AP3B1: variants seen among roughly 807,000 people sequenced by gnomAD.
AP3B1 encodes the protein adaptor related protein complex 3 subunit beta 1.
Under a neutral mutation model 132.5 loss-of-function variants are expected in AP3B1, and 61 were observed. The observed-to-expected ratio is 0.46, with a 90% CI of 0.37 to 0.57. The LOEUF (loss-of-function observed/expected upper bound fraction) is 0.57. Among genes scored for constraint, AP3B1 ranks in the 20% least tolerant of loss-of-function variants. The pLI is 0.00. For synonymous variants in AP3B1, 388 were observed against 438.3 expected (o/e 0.89, Z 1.43); for missense variants, 1,120 against 1,289.4 (o/e 0.87, Z 2.01).
chr5:78,026,112 G>T (rs1007499414), intron 24 of AP3B1, among the ~76,000 whole-genome samples: 1 of 152,128 alleles, frequency 6.6e-6, no homozygotes, highest in Non-Finnish European at 1.5e-5. Context: ...TTAAACAGGG[G>T]AGAGACAGAT....
At chr5:78,282,837 C>T (rs2112587174) in intron 1 of AP3B1, among the ~76,000 whole-genome samples, 1 of 134,686 alleles carries the variant, frequency 7.4e-6, no homozygotes, top group East Asian at 2.1e-4. Flanking sequence ...CATAGTAAGA[C>T]TTGTCTCTAC....
intron 22 of AP3B1, among the ~76,000 whole-genome samples, chr5:78,040,116 G>C (rs144985435): frequency 6.6e-6 from 1 of 151,714 alleles, no homozygotes; most frequent in South Asian, 2.1e-4. Context: ...CCCAGGATAA[G>C]GTGGCTTCTT....
chr5:78,275,456 AAC>A (rs1310077241), intron 1 of AP3B1, among the ~76,000 whole-genome samples: 4 of 152,152 alleles, frequency 2.6e-5, no homozygotes, highest in Admixed American at 1.3e-4. Flanking sequence ...ATGGAAGAAA[AAC>A]ACACATCCAT....
At chr5:78,160,111 T>C (rs975277572) in intron 13 of AP3B1, among the ~76,000 whole-genome samples, 1 of 152,092 alleles carries the variant, frequency 6.6e-6, no homozygotes, top group African/African-American at 2.4e-5. Context: ...GACTATAATA[T>C]ATTTGTCTTA....
intron 22 of AP3B1, among the ~76,000 whole-genome samples, chr5:78,080,167 C>T (rs1376797382): frequency 6.6e-6 from 1 of 152,082 alleles, no homozygotes; most frequent in Admixed American, 6.5e-5. Context: ...TGCCACCATG[C>T]CCTGCTAATT....
At chr5:78,109,488 T>G (rs1370068803) in intron 20 of AP3B1, among the ~76,000 whole-genome samples, 2 of 152,118 alleles carry the variant, frequency 1.3e-5, no homozygotes, top group Non-Finnish European at 2.9e-5. Flanking sequence ...ATAACACAGT[T>G]GTATATAAAA....
chr5:78,246,207 TA>T (rs553816132), intron 2 of AP3B1, among the ~76,000 whole-genome samples: 379 of 152,356 alleles, frequency 2.5e-3, no homozygotes, highest in Non-Finnish European at 4.3e-3. Flanking sequence ...ATTTGACTTT[TA>T]TTTTTTTTCA....
At chr5:78,058,210 T>C (rs531197420) in intron 22 of AP3B1, among the ~76,000 whole-genome samples, 2 of 152,296 alleles carry the variant, frequency 1.3e-5, no homozygotes, top group East Asian at 3.9e-4. Flanking sequence ...CACTGAGAAG[T>C]GCTATTATAG....
intron 12 of AP3B1, 21 bp downstream of exon 12, chr5:78,165,589 T>A (rs777932332): frequency 1.3e-6 from 2 of 1,564,392 alleles, no homozygotes; most frequent in Non-Finnish European, 1.8e-6. Context: ...AAGTTTTTTA[T>A]AATTAGCACT....
intron 7 of AP3B1, among the ~76,000 whole-genome samples, chr5:78,202,954 G>A (rs150675663): frequency 6.6e-6 from 1 of 152,114 alleles, no homozygotes; most frequent in East Asian, 1.9e-4. Flanking sequence ...ACCAATACAG[G>A]CATGTACCGA....
At chr5:78,088,196 T>C (rs1283404153) in intron 22 of AP3B1, among the ~76,000 whole-genome samples, 1 of 152,214 alleles carries the variant, frequency 6.6e-6, no homozygotes, top group Non-Finnish European at 1.5e-5. Flanking sequence ...AAATGCTCAA[T>C]AAATATTTAT....
At chr5:78,272,558 C>T (rs1225039130) in intron 1 of AP3B1, among the ~76,000 whole-genome samples, 1 of 152,092 alleles carries the variant, frequency 6.6e-6, no homozygotes, top group Non-Finnish European at 1.5e-5. Context: ...AAAACCCTTG[C>T]CCTCATAGGG....
chr5:78,108,851 T>C (rs1336534388), intron 20 of AP3B1, among the ~76,000 whole-genome samples: 6 of 152,150 alleles, frequency 3.9e-5, no homozygotes, highest in African/African-American at 1.4e-4. Flanking sequence ...AAAGCTCTGC[T>C]TCTAATACTA....
chr5:78,089,637 G>T, intron 21 of AP3B1, 138 bp from the exon 22 acceptor site: 3 of 697,784 alleles, frequency 4.3e-6, no homozygotes, highest in Non-Finnish European at 5.2e-6. Flanking sequence ...TTAACATCTT[G>T]ATTTAGTCAA....
At chr5:78,162,986 G>C (rs371046922) in intron 12 of AP3B1, 35 bp from the exon 13 acceptor site, 12 of 1,596,038 alleles carry the variant, frequency 7.5e-6, no homozygotes, top group African/African-American at 2.7e-5. Flanking sequence ...TTACACACTG[G>C]TATTATTGAG....
intron 26 of AP3B1, among the ~76,000 whole-genome samples, chr5:78,013,482 C>T (rs1053319502): frequency 6.6e-6 from 1 of 152,158 alleles, no homozygotes; most frequent in African/African-American, 2.4e-5. Flanking sequence ...ACAGTGGCTA[C>T]TCTATATTAA....
intron 3 of AP3B1, among the ~76,000 whole-genome samples, chr5:78,233,023 T>C (rs7700603): frequency 0.27 from 41,043 of 151,906 alleles, 5,782 homozygotes; most frequent in Middle Eastern, 0.33. Context: ...ATCTATGTTT[T>C]TCAATTGCTA....
At chr5:78,238,154 C>T (rs1267445504) in intron 3 of AP3B1, among the ~76,000 whole-genome samples, 1 of 152,152 alleles carries the variant, frequency 6.6e-6, no homozygotes, top group East Asian at 1.9e-4. Context: ...ACTGTAAGAT[C>T]AACAGCAGCA....
chr5:78,101,176 A>G (rs1021242303), intron 20 of AP3B1, 151 bp from the exon 21 acceptor site: 8 of 588,808 alleles, frequency 1.4e-5, no homozygotes, highest in Non-Finnish European at 2.4e-5. Flanking sequence ...GTTTTCCTGA[A>G]TCAACATTTG....
Sources: gnomAD v4.1 joint callset for allele counts (sites outside exome capture counted in the v4.1 genomes callset) on GRCh38, gnomAD v4.1.1 for gene constraint, MANE v1.5 for transcripts, NCBI Gene and HGNC (gene_info 2026-07-23, HGNC 2026-07-21) for gene names.